Variants in KAZN observed in about 807,000 individuals in gnomAD.
The protein encoded by KAZN is kazrin.
In KAZN, 40 loss-of-function variants were observed where a neutral mutation model predicts 87.4. The observed-to-expected ratio is 0.46, with a 90% CI of 0.36 to 0.60. The LOEUF (loss-of-function observed/expected upper bound fraction) is 0.60. Among genes scored for constraint, KAZN ranks in the 20% least tolerant of loss-of-function variants. KAZN has a pLI of 0.00. For synonymous variants in KAZN, 466 were observed against 458.3 expected (o/e 1.02, Z -0.22); for missense variants, 898 against 1,073.9 (o/e 0.84, Z 2.29).
chr1:14,467,289 A>G (rs970931531), intron 2 of KAZN, among the ~76,000 whole-genome samples: 3 of 151,988 alleles, frequency 2.0e-5, no homozygotes, highest in Admixed American at 1.3e-4. Flanking sequence ...TGCTAATTGC[A>G]ATCCCCAGGG....
intron 2 of KAZN, among the ~76,000 whole-genome samples, chr1:14,217,855 A>G (rs1035946339): frequency 5.9e-5 from 9 of 152,132 alleles, no homozygotes; most frequent in African/African-American, 2.2e-4. Context: ...TTCCTACAAC[A>G]TTGCTTTATA....
At chr1:14,131,182 G>A (rs937842593) in intron 1 of KAZN, among the ~76,000 whole-genome samples, 17 of 152,142 alleles carry the variant, frequency 1.1e-4, no homozygotes, top group South Asian at 2.1e-4. Context: ...ACTCGCTATC[G>A]CAGGAACAGC....
intron 2 of KAZN, among the ~76,000 whole-genome samples, chr1:14,539,348 G>A (rs74057813): frequency 3.9e-4 from 60 of 152,262 alleles, no homozygotes; most frequent in African/African-American, 1.4e-3. Context: ...TTGTATCCTC[G>A]ACTGGATCCT....
intron 1 of KAZN, among the ~76,000 whole-genome samples, chr1:14,080,511 T>A (rs943142567): frequency 2.0e-5 from 3 of 149,802 alleles, no homozygotes; most frequent in Admixed American, 2.0e-4. Context: ...GCTGTATTTG[T>A]TGCTTCTTAG....
At chr1:13,987,954 G>A (rs1312539192) in intron 1 of KAZN, among the ~76,000 whole-genome samples, 4 of 152,150 alleles carry the variant, frequency 2.6e-5, no homozygotes, top group Non-Finnish European at 5.9e-5. Context: ...TCATCCCATG[G>A]TAGAAGGCAG....
intron 2 of KAZN, among the ~76,000 whole-genome samples, chr1:14,304,874 G>A (rs115925586): frequency 0.023 from 3,457 of 152,030 alleles, 139 homozygotes; most frequent in African/African-American, 0.08. Context: ...CCCTAGGACT[G>A]TGTCGTCTTT....
At chr1:15,013,386 A>G (rs1490235782) in intron 2 of KAZN, among the ~76,000 whole-genome samples, 1 of 152,200 alleles carries the variant, frequency 6.6e-6, no homozygotes, top group Non-Finnish European at 1.5e-5. Context: ...TCAGATGAAA[A>G]AAGAGCATAA....
chr1:14,454,407 C>T (rs559690903), intron 2 of KAZN, among the ~76,000 whole-genome samples: 2 of 152,296 alleles, frequency 1.3e-5, no homozygotes, highest in South Asian at 2.1e-4. Context: ...TTCTGATTTA[C>T]AAGTTTTCTC....
intron 2 of KAZN, among the ~76,000 whole-genome samples, chr1:14,508,476 A>G (rs1217471321): frequency 6.6e-6 from 1 of 152,224 alleles, no homozygotes; most frequent in Non-Finnish European, 1.5e-5. Context: ...TAAACTACGG[A>G]TGAATTTTAA....
chr1:13,977,625 G>T (rs192462532), intron 1 of KAZN, among the ~76,000 whole-genome samples: 56 of 152,284 alleles, frequency 3.7e-4, no homozygotes, highest in African/African-American at 1.3e-3. Context: ...TCTTTGCAGG[G>T]TATTGCTGAT....
At chr1:14,020,894 A>G (rs941330719) in intron 1 of KAZN, among the ~76,000 whole-genome samples, 8 of 152,120 alleles carry the variant, frequency 5.3e-5, no homozygotes, top group African/African-American at 1.9e-4. Context: ...CCTTTAGATG[A>G]GTCTTTGGAA....
At chr1:14,391,320 T>C (rs183197874) in intron 2 of KAZN, 1 of 152,422 alleles carries the variant, frequency 6.6e-6, no homozygotes, top group East Asian at 1.9e-4. Flanking sequence ...CTCTTCTCTT[T>C]GCTAAAGACA....
At chr1:14,246,191 G>A (rs1258090461) in intron 2 of KAZN, among the ~76,000 whole-genome samples, 1 of 152,110 alleles carries the variant, frequency 6.6e-6, no homozygotes, top group Non-Finnish European at 1.5e-5. Flanking sequence ...GTTGGGGATG[G>A]GAGGAGCATC....
At chr1:14,850,486 C>G (rs543570498) in intron 1 of KAZN, among the ~76,000 whole-genome samples, 5 of 152,130 alleles carry the variant, frequency 3.3e-5, no homozygotes, top group Non-Finnish European at 7.3e-5. Flanking sequence ...GACGAGAAAA[C>G]CAAGGCTTAG....
At chr1:14,725,843 G>T (rs1417691668) in intron 1 of KAZN, among the ~76,000 whole-genome samples, 1 of 152,228 alleles carries the variant, frequency 6.6e-6, no homozygotes. Flanking sequence ...TGCAAGTCTA[G>T]CAGGTTTCCT....
intron 1 of KAZN, among the ~76,000 whole-genome samples, chr1:14,957,091 G>A (rs1330656276): frequency 6.6e-6 from 1 of 152,168 alleles, no homozygotes; most frequent in Non-Finnish European, 1.5e-5. Context: ...CTATTTGCTG[G>A]AGGCTTCTTG....
chr1:14,702,361 T>TGTGTGTGTGTGTGG (rs1232272856), intron 1 of KAZN, among the ~76,000 whole-genome samples: 1 of 151,922 alleles, frequency 6.6e-6, no homozygotes, highest in African/African-American at 2.4e-5. Context: ...TGTGTGTGTG[T>TGTGTGTGTGTGTGG]GTGTGGATTT....
chr1:14,172,749 C>T (rs78694964), intron 1 of KAZN, among the ~76,000 whole-genome samples: 4,594 of 152,302 alleles, frequency 0.03, 227 homozygotes, highest in African/African-American at 0.1. Flanking sequence ...CAAGGGCCTC[C>T]GTGATGGCGG....
At chr1:15,057,345 T>C (rs1473620682) in intron 5 of KAZN, among the ~76,000 whole-genome samples, 1 of 152,236 alleles carries the variant, frequency 6.6e-6, no homozygotes, top group African/African-American at 2.4e-5. Flanking sequence ...TGAGACTTCC[T>C]TTACCTACTT....
Sources: allele counts gnomAD v4.1 joint callset (sites outside exome capture counted in the v4.1 genomes callset), GRCh38; gene constraint gnomAD v4.1.1; transcripts MANE v1.5; gene names NCBI Gene and HGNC (gene_info 2026-07-23, HGNC 2026-07-21).